SLC7A14: variants seen among roughly 807,000 people sequenced by gnomAD.
SLC7A14 encodes solute carrier family 7 member 14.
Under a neutral mutation model 60.2 loss-of-function variants are expected in SLC7A14, and 37 were observed. The observed-to-expected ratio is 0.61, with a 90% CI of 0.47 to 0.81. The LOEUF (loss-of-function observed/expected upper bound fraction) is 0.81. Among genes scored for constraint, SLC7A14 ranks in the 30% least tolerant of loss-of-function variants. The pLI, the probability that SLC7A14 is intolerant of heterozygous loss-of-function variation, is 0.00. For synonymous variants in SLC7A14, 399 were observed against 395.8 expected (o/e 1.01, Z -0.10); for missense variants, 886 against 982.7 (o/e 0.90, Z 1.32).
intron 2 of SLC7A14, among the ~76,000 whole-genome samples, chr3:170,524,729 G>A (rs937411141): frequency 1.3e-5 from 2 of 152,140 alleles, no homozygotes; most frequent in African/African-American, 2.4e-5. Context: ...AGAATTGCAA[G>A]TATTCCCAAA....
At chr3:170,584,201 A>G (rs1715312059) in intron 1 of SLC7A14, among the ~76,000 whole-genome samples, 1 of 152,200 alleles carries the variant, frequency 6.6e-6, no homozygotes, top group Non-Finnish European at 1.5e-5. Context: ...TGCCCATAAT[A>G]TAAAAGACTA....
At chr3:170,504,544 GT>G (rs1386269570) in intron 2 of SLC7A14, among the ~76,000 whole-genome samples, 9 of 151,928 alleles carry the variant, frequency 5.9e-5, no homozygotes. Flanking sequence ...TGGTCTCGAA[GT>G]CCTGACCTCA....
chr3:170,528,388 A>T (rs1256027178), intron 1 of SLC7A14, among the ~76,000 whole-genome samples: 1 of 152,230 alleles, frequency 6.6e-6, no homozygotes, highest in African/African-American at 2.4e-5. Context: ...AATTTATAAA[A>T]CTCATAAATG....
At chr3:170,513,299 C>T (rs1713045212) in intron 2 of SLC7A14, among the ~76,000 whole-genome samples, 1 of 151,984 alleles carries the variant, frequency 6.6e-6, no homozygotes, top group South Asian at 2.1e-4. Context: ...TTCAAAGGAG[C>T]AGGTGTTTGT....
rs144615307 is a variant in SLC7A14 at position 170,558,920 on chromosome 3, A to C, written c.-153+26991T>G. Reference sequence around the variant, plus strand: ...TATAATAGTGCTTAGTCCTGGTATCAATAGTTTTCCTTGTGTGTGGGCCTG... The same window carrying C: ...TATAATAGTGCTTAGTCCTGGTATCCATAGTTTTCCTTGTGTGTGGGCCTG... On this transcript the variant is annotated intron_variant, in intron 1 of 7. Coordinates refer to ENST00000231706, the MANE Select transcript of SLC7A14 (RefSeq NM_020949.3). Among the ~76,000 whole-genome samples, 615 of 152,314 alleles carry C rather than the reference A, an allele frequency of 4.0e-3. 5 individuals carry two copies. Among genetic ancestry groups the C allele is most frequent in the African/African-American group, 0.014 (594 of 41,578 alleles).
chr3:170,585,341 C>A lies in SLC7A14; in HGVS notation c.-153+570G>T, dbSNP rs1027755369. 6.6e-6 allele frequency among the ~76,000 whole-genome samples: 1 copy of A among 152,168 alleles called. No homozygotes were observed. The highest frequency in any genetic ancestry group is 1.9e-4 in the East Asian group (1 of 5,172). ...CCCCTCGGGGCGCCACCATCCTGGT[C>A]GGGGTGCTGGGCTCGGCGGGAGTCC... On this transcript the variant is annotated intron_variant, in intron 1 of 7. Transcript: ENST00000231706. This position sits in a 1 kb window ranked among gnomAD's most constrained non-coding sequence, Gnocchi z 5.1.
chr3:170,534,464 C>T (rs935605136), intron 1 of SLC7A14, among the ~76,000 whole-genome samples: 4 of 152,052 alleles, frequency 2.6e-5, no homozygotes, highest in South Asian at 2.1e-4. Flanking sequence ...TGGCACAGGG[C>T]GAAGTTGTGC....
chr3:170,516,848 T>C (rs1713174962), intron 2 of SLC7A14, among the ~76,000 whole-genome samples: 1 of 152,188 alleles, frequency 6.6e-6, no homozygotes, highest in Non-Finnish European at 1.5e-5. Context: ...GGAAGCAGGC[T>C]GAATCATATT....
chr3:170,558,791 G>A (rs1714557129), intron 1 of SLC7A14, among the ~76,000 whole-genome samples: 1 of 152,278 alleles, frequency 6.6e-6, no homozygotes, highest in Middle Eastern at 3.4e-3. Flanking sequence ...GGATTTCAAT[G>A]ACTGGACTCT....
At chr3:170,567,557 A>G (rs926189278) in intron 1 of SLC7A14, among the ~76,000 whole-genome samples, 2 of 151,256 alleles carry the variant, frequency 1.3e-5, no homozygotes, top group Non-Finnish European at 3.0e-5. Flanking sequence ...TGGTATTTCT[A>G]GTTCTAGATC....
At chr3:170,584,791 C>T (rs1715335491) in intron 1 of SLC7A14, among the ~76,000 whole-genome samples, 1 of 152,126 alleles carries the variant, frequency 6.6e-6, no homozygotes, top group African/African-American at 2.4e-5. Flanking sequence ...GACCCTATAC[C>T]TAGGGGGAGG....
chr3:170,539,704 G>A (rs1051903963), intron 1 of SLC7A14, among the ~76,000 whole-genome samples: 1 of 151,950 alleles, frequency 6.6e-6, no homozygotes, highest in Non-Finnish European at 1.5e-5. Context: ...AGGGAAACAC[G>A]AGTTTAAAAT....
Position 170,480,418 on chromosome 3 carries a change from G to T in SLC7A14, c.1864C>A (p.Pro622Thr). The T allele has an allele frequency of 1.2e-6, 2 of 1,613,556 alleles. No individual in the cohort carries two copies. The highest frequency in any genetic ancestry group is 1.3e-5 in the African/African-American group (1 of 75,026). The change falls in exon 7 of 8, where the codon CCC becomes ACC. Residue 622 changes from proline (P) to threonine (T), a missense_variant. Pro to Thr is a conservative substitution (Grantham distance 38). Transcript: ENST00000231706. ...VFVILQQPEN[P>T]KKLPYMAPCL... ...GGGGCCATGTAGGGCAGCTTCTTGG[G>T]GTTCTCTGGCTGCTGCAGGATCACA...
intron 1 of SLC7A14, among the ~76,000 whole-genome samples, chr3:170,582,616 A>G (rs1268762718): frequency 1.3e-5 from 2 of 152,200 alleles, no homozygotes; most frequent in African/African-American, 2.4e-5. Flanking sequence ...ATTACAAATT[A>G]TACCTTAATT....
intron 1 of SLC7A14, among the ~76,000 whole-genome samples, chr3:170,551,149 G>A (rs1041958642): frequency 3.3e-5 from 5 of 152,088 alleles, no homozygotes; most frequent in Admixed American, 6.6e-5. Flanking sequence ...AATATTATAT[G>A]TGGCCTTTTG....
chr3:170,517,643 T>C (rs1713208534), intron 2 of SLC7A14, among the ~76,000 whole-genome samples: 1 of 152,172 alleles, frequency 6.6e-6, no homozygotes, highest in South Asian at 2.1e-4. Context: ...AGATGAATAC[T>C]GGAATGGGGA....
chr3:170,582,846 T>C (rs1715273071), intron 1 of SLC7A14, among the ~76,000 whole-genome samples: 1 of 152,144 alleles, frequency 6.6e-6, no homozygotes, highest in African/African-American at 2.4e-5. Flanking sequence ...TTGATGAAGA[T>C]GAGACTTTAC....
chr3:170,522,175 T>C (rs1455055729), intron 2 of SLC7A14, among the ~76,000 whole-genome samples: 1 of 152,200 alleles, frequency 6.6e-6, no homozygotes, highest in Non-Finnish European at 1.5e-5. Flanking sequence ...ACTGGAACTT[T>C]CACATATTCC....
chr3:170,465,870 C>T lies in SLC7A14; in HGVS notation c.*1185G>A, dbSNP rs1368189480. 6.6e-6 allele frequency: 1 copy of T among 152,026 alleles called. No homozygotes were observed. The highest frequency in any genetic ancestry group is 1.5e-5 in the Non-Finnish European group (1 of 68,022). 9.4% of individuals were successfully genotyped at this position (152,026 alleles called of 1,614,324 possible). On this transcript the variant is annotated 3_prime_UTR_variant, in exon 8 of 8. Transcript: ENST00000231706. Reference sequence around the variant, plus strand: ...ATTCTTTTAATAGCCCCTTTTATGGCCCAAATTTACATCTTACCAGGTAGA... The same window carrying T: ...ATTCTTTTAATAGCCCCTTTTATGGTCCAAATTTACATCTTACCAGGTAGA...
Sources: gnomAD v4.1 joint callset for allele counts (sites outside exome capture counted in the v4.1 genomes callset) on GRCh38, gnomAD v4.1.1 for gene constraint, Gnocchi (gnomAD v3.1) non-coding constraint, MANE v1.5 for transcripts, NCBI Gene and HGNC (gene_info 2026-07-23, HGNC 2026-07-21) for gene names.